Variants in COL21A1 observed in about 807,000 individuals in gnomAD.
COL21A1 encodes the protein collagen type XXI alpha 1 chain, also known as collagen alpha-1(XXI) chain.
COL21A1 carries 149 observed loss-of-function variants against 137.9 expected under a neutral mutation model. The observed-to-expected ratio is 1.08, with a 90% CI of 0.95 to 1.24. The LOEUF is 1.24. Among genes scored for constraint, COL21A1 ranks in the 50% most tolerant of loss-of-function variants. COL21A1 has a pLI of 0.00. For synonymous variants in COL21A1, 456 were observed against 391.5 expected, an observed-to-expected ratio of 1.16 and a Z score of -1.95; for missense variants, 1,167 against 1,158.4, an observed-to-expected ratio of 1.01 and a Z score of -0.11.
intron 3 of COL21A1, among the ~76,000 whole-genome samples, chr6:56,174,314 A>C (rs1378266762): frequency 6.6e-6 from 1 of 152,070 alleles, no homozygotes; most frequent in Non-Finnish European, 1.5e-5. Flanking sequence ...TAGCAGGAGG[A>C]AAAAAATAAT....
chr6:56,197,819 A>T (rs930149851), intron 1 of COL21A1, among the ~76,000 whole-genome samples: 1 of 152,130 alleles, frequency 6.6e-6, no homozygotes, highest in Admixed American at 6.6e-5. Flanking sequence ...TTAAAAATAG[A>T]ACTACTATAT....
intron 14 of COL21A1, 127 bp downstream of exon 14, chr6:56,125,440 T>A: frequency 1.8e-6 from 1 of 551,154 alleles, no homozygotes; most frequent in Non-Finnish European, 3.1e-6. Context: ...TTGTTCTGAA[T>A]TAATCCCCTA....
Position 56,316,974 on chromosome 6 carries a change from C to T in COL21A1, c.-39+76997G>A, listed in dbSNP as rs191093040. Among the ~76,000 whole-genome samples, 3 of 152,176 alleles carry T rather than the reference C, an allele frequency of 2.0e-5. No individual in the cohort carries two copies. In the East Asian group the frequency reaches 5.8e-4, roughly 29 times the overall value. On this transcript the variant is annotated intron_variant, in intron 1 of 28. Coordinates refer to the COL21A1 transcript ENST00000370819. Reference sequence around the variant, plus strand: ...ATTTAGTATACAAAGACTGCAGCCCCAAGGAGTTTCTCACTTTTAGATTAC... The same window carrying T: ...ATTTAGTATACAAAGACTGCAGCCCTAAGGAGTTTCTCACTTTTAGATTAC...
In COL21A1 at chr6:56,334,730, T is replaced by C. The variant is rs115479695; in HGVS notation, c.-39+59241A>G. Among the ~76,000 whole-genome samples the C allele has an allele frequency of 8.8e-3, 1,345 of 152,280 alleles. 14 individuals carry two copies. Among genetic ancestry groups the C allele is most frequent in the African/African-American group, 0.031 (1,269 of 41,568 alleles). On this transcript the variant is annotated intron_variant, in intron 1 of 28. Coordinates refer to the COL21A1 transcript ENST00000370819. ...AATGTAATTGCCAGTATAACACTAT[T>C]GGAAGGTAGGGCCTTTAATGAGTGA...
At chr6:56,068,879 C>T in intron 22 of COL21A1, 167 bp downstream of exon 22, 1 of 541,706 alleles carries the variant, frequency 1.8e-6, no homozygotes. Flanking sequence ...AAAGATGCCA[C>T]AGCTATTAGC....
In COL21A1 at chr6:56,133,522, C is replaced by T. The variant is rs150586986; in HGVS notation, c.1543-7373G>A. 4.3e-3 allele frequency among the ~76,000 whole-genome samples: 660 copies of T among 152,234 alleles called. 5 individuals are homozygous for T. Among genetic ancestry groups the T allele is most frequent in the African/African-American group, 0.015 (604 of 41,562 alleles). On this transcript the variant is annotated intron_variant, in intron 12 of 29. Transcript: ENST00000244728. Reference sequence around the variant, plus strand: ...ATAGAAAAGAAAATCCCATTTTCTGCGGAGAAATTTAAGCCGGCTGCAGGA... The same window carrying T: ...ATAGAAAAGAAAATCCCATTTTCTGTGGAGAAATTTAAGCCGGCTGCAGGA...
At chr6:56,278,478 A>G (rs1286166608) in intron 1 of COL21A1, among the ~76,000 whole-genome samples, 1 of 152,160 alleles carries the variant, frequency 6.6e-6, no homozygotes, top group Non-Finnish European at 1.5e-5. Flanking sequence ...GCCTATAAAC[A>G]CTGCATACCC....
At position 56,061,654 on chromosome 6, in the gene COL21A1, CT is replaced by C; in HGVS notation, c.2199del (p.Gly734GlufsTer26). On this transcript the variant is annotated frameshift_variant, in exon 25 of 30. Transcript: ENST00000244728. LOFTEE classifies it high-confidence loss of function. ...TAATATATGAAGAAACATACCTCTCCTTTTGCACCATGATGGCCTTGAATTC... is the reference window on the plus strand; with the variant it reads ...TAATATATGAAGAAACATACCTCTCCTTTGCACCATGATGGCCTTGAATTC... ...QQGIQGHHGA[K>X]GERGEKGEPG... The C allele has an allele frequency of 1.3e-6, 2 of 1,589,568 alleles. No homozygotes were observed. The highest frequency in any genetic ancestry group is 1.7e-6 in the Non-Finnish European group (2 of 1,162,772).
At chr6:56,371,572 T>C (rs1345346788) in intron 1 of COL21A1, among the ~76,000 whole-genome samples, 1 of 152,128 alleles carries the variant, frequency 6.6e-6, no homozygotes, top group African/African-American at 2.4e-5. Context: ...GACTGGAACT[T>C]CTCAGGGTTC....
chr6:56,153,759 C>T (rs1419606619), intron 10 of COL21A1, among the ~76,000 whole-genome samples: 1 of 152,154 alleles, frequency 6.6e-6, no homozygotes, highest in Non-Finnish European at 1.5e-5. Flanking sequence ...AATAGGATGA[C>T]ACTTCCCTGG....
chr6:56,089,139 C>T (rs1768548206), intron 17 of COL21A1, among the ~76,000 whole-genome samples: 5 of 152,078 alleles, frequency 3.3e-5, no homozygotes, highest in Admixed American at 3.3e-4. Context: ...CAAACTGCTC[C>T]CATGGAGATG....
At chr6:56,264,927 G>T (rs1388345922) in intron 1 of COL21A1, among the ~76,000 whole-genome samples, 1 of 152,118 alleles carries the variant, frequency 6.6e-6, no homozygotes, top group East Asian at 1.9e-4. Context: ...TTGATGAAGG[G>T]CATTTTCTTT....
intron 10 of COL21A1, among the ~76,000 whole-genome samples, chr6:56,148,420 G>C (rs903863729): frequency 6.6e-6 from 1 of 150,700 alleles, no homozygotes; most frequent in Non-Finnish European, 1.5e-5. Flanking sequence ...TCAAACTGAG[G>C]TGAGAGTTCA....
intron 2 of COL21A1, among the ~76,000 whole-genome samples, chr6:56,181,686 G>A (rs994768358): frequency 6.6e-6 from 1 of 152,124 alleles, no homozygotes; most frequent in Non-Finnish European, 1.5e-5. Flanking sequence ...TCCATCCTGA[G>A]AACCTCTTCC....
Position 56,069,682 on chromosome 6 carries a change from C to T in COL21A1, c.2020-565G>A, listed in dbSNP as rs918158768. 3.3e-5 allele frequency among the ~76,000 whole-genome samples: 5 copies of T among 150,262 alleles called. No homozygotes were observed. The South Asian group carries it at 1.0e-3, about 31-fold the overall frequency. ...CATGCATAATTTTATCTTTTAATCT[C>T]TAAATATATTAATATTATAAAGTTC... is the stretch of plus-strand genomic sequence containing the variant. On this transcript the variant is annotated intron_variant, in intron 21 of 29. Transcript: ENST00000244728.
rs373745019 is a variant in COL21A1, at chr6:56,089,737, A to C, written c.1812+11735T>G. 1.1e-4 allele frequency among the ~76,000 whole-genome samples: 16 copies of C among 152,334 alleles called. 1 individual carries two copies. In the South Asian group the frequency reaches 3.3e-3, roughly 32 times the overall value. ...CCAGTGAGACTACTGAGCCTACATA[A>C]ACAATAATGAGATTCTATTTACTTA... On this transcript the variant is annotated intron_variant, in intron 17 of 29. Coordinates refer to ENST00000244728, the MANE Select transcript of COL21A1 (RefSeq NM_030820.4).
intron 24 of COL21A1, among the ~76,000 whole-genome samples, chr6:56,062,866 G>A (rs1156583706): frequency 6.6e-6 from 1 of 152,098 alleles, no homozygotes; most frequent in East Asian, 1.9e-4. Context: ...CTCAATATGG[G>A]AATTGAATTA....
chr6:56,089,610 T>C (rs896941631), intron 17 of COL21A1, among the ~76,000 whole-genome samples: 6 of 152,220 alleles, frequency 3.9e-5, no homozygotes, highest in Admixed American at 2.6e-4. Context: ...TCTGTTTACA[T>C]GACATCAACC....
intron 9 of COL21A1, 73 bp from the exon 10 acceptor site, chr6:56,157,022 T>C: frequency 1.0e-6 from 1 of 1,000,540 alleles, no homozygotes; most frequent in South Asian, 1.5e-5. Flanking sequence ...TCAATAAAAG[T>C]TCAAAACCAA....
Sources: gnomAD v4.1 joint callset for allele counts (sites outside exome capture counted in the v4.1 genomes callset) on GRCh38, gnomAD v4.1.1 for gene constraint, MANE v1.5 for transcripts, NCBI Gene and HGNC (gene_info 2026-07-23, HGNC 2026-07-21) for gene names.